Variants in NUDT3 observed in about 807,000 individuals in gnomAD.
NUDT3 encodes the protein diphosphoinositol polyphosphate phosphohydrolase 1.
In NUDT3, 9 loss-of-function variants were observed where a neutral mutation model predicts 23.6. That is an observed-to-expected ratio of 0.38 (90% CI 0.23 to 0.66). The LOEUF is 0.66. Among genes scored for constraint, NUDT3 ranks in the 30% least tolerant of loss-of-function variants. NUDT3 has a pLI of 0.52. For synonymous variants in NUDT3, 86 were observed against 82.6 expected (o/e 1.04, Z -0.22); for missense variants, 172 against 218.5 (o/e 0.79, Z 1.34).
chr6:34,306,422 A>C (rs1581855399), intron 2 of NUDT3, among the ~76,000 whole-genome samples: 1 of 152,238 alleles, frequency 6.6e-6, no homozygotes, highest in East Asian at 1.9e-4. Context: ...CGATTGTGGA[A>C]TCTCCAGAGG....
At chr6:34,370,460 G>A (rs1194390623) in intron 1 of NUDT3, among the ~76,000 whole-genome samples, 1 of 152,170 alleles carries the variant, frequency 6.6e-6, no homozygotes, top group Non-Finnish European at 1.5e-5. Flanking sequence ...CTGTTCTTCA[G>A]CAAACTTCTG....
At chr6:34,383,083 C>T (rs1271080598) in intron 1 of NUDT3, among the ~76,000 whole-genome samples, 2 of 148,240 alleles carry the variant, frequency 1.3e-5, no homozygotes, top group Non-Finnish European at 3.0e-5. Context: ...GCCAAGATGG[C>T]GCCATTGCAC....
At chr6:34,317,794 C>G (rs549088573) in intron 2 of NUDT3, among the ~76,000 whole-genome samples, 1 of 152,272 alleles carries the variant, frequency 6.6e-6, no homozygotes, top group South Asian at 2.1e-4. Context: ...GCAATATTCT[C>G]TAGCTCTCAG....
rs1763357073 is a variant in NUDT3 at position 34,287,876 on chromosome 6, G to T, written c.*877C>A. 1 of 152,066 alleles carries T rather than the reference G, an allele frequency of 6.6e-6. No homozygotes were observed. Among genetic ancestry groups the T allele is most frequent in the African/African-American group, 2.4e-5 (1 of 41,386 alleles). The allele number at this position is 152,066 out of a possible 1,614,324, so 9.4% of individuals were successfully genotyped here. On this transcript the variant is annotated 3_prime_UTR_variant, in exon 5 of 5. Transcript: ENST00000607016. ...TTCCAACTCTACTGTCAACATGTGG[G>T]GCAGAATTCAATTTCTATCATTGTT...
intron 2 of NUDT3, among the ~76,000 whole-genome samples, chr6:34,328,001 T>C (rs1030317853): frequency 2.0e-5 from 3 of 152,254 alleles, no homozygotes; most frequent in African/African-American, 7.2e-5. Flanking sequence ...AGAGTAATAT[T>C]AAAAGCTAAT....
At chr6:34,307,856 T>G (rs1486842615) in intron 2 of NUDT3, among the ~76,000 whole-genome samples, 1 of 151,930 alleles carries the variant, frequency 6.6e-6, no homozygotes, top group South Asian at 2.1e-4. Context: ...CAGGGGCTCA[T>G]GCCTGTAATC....
chr6:34,392,164 C>A, intron 1 of NUDT3, 100 bp downstream of exon 1: 2 of 801,302 alleles, frequency 2.5e-6, no homozygotes, highest in South Asian at 3.5e-5. Context: ...CCGAGCGGGG[C>A]GGCCCTGGCA....
At chr6:34,352,782 G>C (rs1391211479) in intron 1 of NUDT3, among the ~76,000 whole-genome samples, 14 of 152,196 alleles carry the variant, frequency 9.2e-5, no homozygotes, top group East Asian at 5.8e-4. Flanking sequence ...GAGGAGGACA[G>C]TCAGGAGACT....
intron 4 of NUDT3, among the ~76,000 whole-genome samples, chr6:34,290,670 C>A (rs1763407878): frequency 6.7e-6 from 1 of 149,932 alleles, no homozygotes; most frequent in Non-Finnish European, 1.5e-5. Context: ...CCAGTCTGGA[C>A]AACAGAGTGA....
At chr6:34,366,277 G>A (rs1166424129) in intron 1 of NUDT3, among the ~76,000 whole-genome samples, 1 of 150,904 alleles carries the variant, frequency 6.6e-6, no homozygotes, top group Non-Finnish European at 1.5e-5. Context: ...GCGGAGGGCT[G>A]GGGTGGGAGA....
In NUDT3 at chr6:34,286,666, G is replaced by A. The variant is rs1357787596; in HGVS notation, c.*2087C>T. 1 of 150,568 alleles carries A rather than the reference G, an allele frequency of 6.6e-6. No homozygotes were observed. The highest frequency in any genetic ancestry group is 1.5e-5 in the Non-Finnish European group (1 of 67,896). The allele number at this position is 150,568 out of a possible 1,614,324, so 9.3% of individuals were successfully genotyped here. A position where few individuals can be genotyped will look rare whatever the true frequency, so the allele number is the denominator to read the frequency against. On this transcript the variant is annotated 3_prime_UTR_variant, in exon 5 of 5. Coordinates refer to ENST00000607016, the MANE Select transcript of NUDT3 (RefSeq NM_006703.4). Reference sequence around the variant, plus strand: ...CTTATCCAATGGGACCTCTCCTTGGGAATATAATTCCTTTCCCAGAGGTAT... The same window carrying A: ...CTTATCCAATGGGACCTCTCCTTGGAAATATAATTCCTTTCCCAGAGGTAT...
chr6:34,373,572 A>G (rs895575975), intron 1 of NUDT3, among the ~76,000 whole-genome samples: 3 of 152,110 alleles, frequency 2.0e-5, no homozygotes, highest in Non-Finnish European at 4.4e-5. Context: ...GCTATGGTGA[A>G]TGTAGAACAT....
At position 34,281,212 on chromosome 6, in the gene NUDT3, G is replaced by C. The variant is rs964173742; in HGVS notation, c.*7541C>G. On this transcript the variant is annotated 3_prime_UTR_variant, in exon 5 of 5. Coordinates refer to ENST00000607016, the MANE Select transcript of NUDT3 (RefSeq NM_006703.4). ...AGCTGTTTGGAGACTACACACCACA[G>C]TGGAGCAAACCAAGGTGGGGCCTCA... The C allele has an allele frequency of 6.6e-6, 1 of 152,252 alleles. No homozygotes were observed. Among genetic ancestry groups the C allele is most frequent in the Non-Finnish European group, 1.5e-5 (1 of 68,050 alleles). The allele number at this position is 152,252 out of a possible 1,614,324, so 9.4% of individuals were successfully genotyped here. A position where few individuals can be genotyped will look rare whatever the true frequency, so the allele number is the denominator to read the frequency against.
intron 2 of NUDT3, among the ~76,000 whole-genome samples, chr6:34,309,635 T>C (rs1357340087): frequency 2.0e-5 from 3 of 151,962 alleles, no homozygotes; most frequent in African/African-American, 7.2e-5. Context: ...CCTAAAAGTA[T>C]ACAAACGTAT....
chr6:34,314,649 A>AACTTAACTAGCATCCTCC (rs1184112039), intron 2 of NUDT3, among the ~76,000 whole-genome samples: 2 of 152,142 alleles, frequency 1.3e-5, no homozygotes, highest in Non-Finnish European at 2.9e-5. Context: ...ATACTTCATT[A>AACTTAACTAGCATCCTCC]ACTTAACTAG....
At chr6:34,383,126 C>CAA (rs557348971) in intron 1 of NUDT3, among the ~76,000 whole-genome samples, 5 of 65,010 alleles carry the variant, frequency 7.7e-5, no homozygotes, top group African/African-American at 1.7e-4. Context: ...GACTCCATCT[C>CAA]AAAAAAAAAA....
At position 34,352,812 on chromosome 6, in the gene NUDT3, C is replaced by T. The variant is rs758722183; in HGVS notation, c.100-10840G>A. Among the ~76,000 whole-genome samples the T allele has an allele frequency of 3.6e-4, 55 of 152,308 alleles. 1 individual carries two copies. The highest frequency in any genetic ancestry group is 3.4e-3 in the Middle Eastern group (1 of 294). ...GAGACTTTGGGTTACAGGTCTGCCT[C>T]TGACACCAGTCACATAAATGCAATG... On this transcript the variant is annotated intron_variant, in intron 1 of 4. Transcript: ENST00000607016.
At chr6:34,388,776 C>T (rs915347936) in intron 1 of NUDT3, among the ~76,000 whole-genome samples, 2 of 152,164 alleles carry the variant, frequency 1.3e-5, no homozygotes, top group Non-Finnish European at 1.5e-5. Context: ...GTTTCTCATA[C>T]ATGTTTGTTG....
At chr6:34,296,676 A>G (rs1279632341) in intron 2 of NUDT3, among the ~76,000 whole-genome samples, 1 of 152,224 alleles carries the variant, frequency 6.6e-6, no homozygotes, top group African/African-American at 2.4e-5. Context: ...TTGAACCAGA[A>G]AACAGTATAT....
Sources: allele counts gnomAD v4.1 joint callset (sites outside exome capture counted in the v4.1 genomes callset), GRCh38; gene constraint gnomAD v4.1.1; transcripts MANE v1.5; gene names NCBI Gene and HGNC (gene_info 2026-07-23, HGNC 2026-07-21).